The following USH2A variants were observed in gnomAD, a reference collection of about 807,000 sequenced individuals.
USH2A encodes usherin.
A neutral mutation model predicts 538.9 loss-of-function variants in USH2A; 443 were observed. The ratio of observed to expected loss-of-function variants is 0.82; its 90% CI spans 0.76 to 0.89. The LOEUF is 0.89. USH2A is among the 40% of genes least tolerant of loss of function. USH2A has a pLI of 0.00. For missense variants in USH2A, 6,633 were observed against 6,324.8 expected (o/e 1.05, Z -1.65); for synonymous variants, 2,413 against 2,273.5 (o/e 1.06, Z -1.75).
At chr1:216,024,625 TG>T (rs1668920241) in intron 32 of USH2A, among the ~76,000 whole-genome samples, 1 of 152,042 alleles carries the variant, frequency 6.6e-6, no homozygotes, top group Admixed American at 6.6e-5. Flanking sequence ...AACATGTATT[TG>T]ACTTAGCACA....
chr1:215,890,854 G>A (rs1665190546), intron 40 of USH2A, among the ~76,000 whole-genome samples: 1 of 152,116 alleles, frequency 6.6e-6, no homozygotes, highest in Non-Finnish European at 1.5e-5. Flanking sequence ...CTGAGATTGG[G>A]TTTCGTAAAA....
chr1:215,948,706 T>G (rs998787033), intron 37 of USH2A, among the ~76,000 whole-genome samples: 2 of 152,104 alleles, frequency 1.3e-5, no homozygotes, highest in Non-Finnish European at 2.9e-5. Context: ...CATAATTTTA[T>G]AAGGATTTTC....
chr1:215,839,416 C>T (rs1289448812), intron 46 of USH2A, among the ~76,000 whole-genome samples: 1 of 152,078 alleles, frequency 6.6e-6, no homozygotes, highest in Non-Finnish European at 1.5e-5. Context: ...AACAAATTTG[C>T]AGAGAAGCCA....
At chr1:215,698,663 T>A (rs969088794) in intron 61 of USH2A, among the ~76,000 whole-genome samples, 8 of 152,222 alleles carry the variant, frequency 5.3e-5, no homozygotes, top group African/African-American at 1.4e-4. Flanking sequence ...CACTTTTTGA[T>A]GAGGTTATTT....
chr1:216,076,570 G>T (rs1348181707), intron 27 of USH2A, among the ~76,000 whole-genome samples: 1 of 151,674 alleles, frequency 6.6e-6, no homozygotes, highest in South Asian at 2.1e-4. Flanking sequence ...TCACTCATAC[G>T]AAGGGTTTTC....
At chr1:215,821,448 A>C (rs190778617) in intron 47 of USH2A, among the ~76,000 whole-genome samples, 1 of 151,634 alleles carries the variant, frequency 6.6e-6, no homozygotes, top group African/African-American at 2.4e-5. Flanking sequence ...ATTTTTAATC[A>C]GATGTTTTGT....
chr1:215,823,901 CTT>C (rs1194674441), intron 47 of USH2A, among the ~76,000 whole-genome samples: 3 of 151,916 alleles, frequency 2.0e-5, no homozygotes, highest in Non-Finnish European at 4.4e-5. Context: ...ATTTTAATCT[CTT>C]TGTTAAATCT....
At chr1:216,286,912 A>G (rs909075733) in intron 11 of USH2A, among the ~76,000 whole-genome samples, 6 of 152,194 alleles carry the variant, frequency 3.9e-5, no homozygotes, top group Non-Finnish European at 8.8e-5. Context: ...CTTATAGAAA[A>G]ACAACAGGAA....
At chr1:216,332,831 A>G (rs2037896559) in intron 4 of USH2A, among the ~76,000 whole-genome samples, 1 of 152,156 alleles carries the variant, frequency 6.6e-6, no homozygotes, top group Non-Finnish European at 1.5e-5. Context: ...AGTGACAAAT[A>G]GCAGCAACAA....
chr1:216,173,396 C>T (rs2034309834), intron 21 of USH2A, among the ~76,000 whole-genome samples: 1 of 152,152 alleles, frequency 6.6e-6, no homozygotes, highest in Non-Finnish European at 1.5e-5. Flanking sequence ...TGCCTGAACA[C>T]AGAAGAACTT....
intron 9 of USH2A, among the ~76,000 whole-genome samples, chr1:216,315,975 A>G (rs2037500762): frequency 1.3e-5 from 2 of 152,172 alleles, no homozygotes; most frequent in Admixed American, 1.3e-4. Context: ...TAGTAAATTA[A>G]GCATTTACTG....
chr1:216,411,886 G>A (rs2039496287), intron 3 of USH2A, among the ~76,000 whole-genome samples: 2 of 152,102 alleles, frequency 1.3e-5, no homozygotes, highest in Non-Finnish European at 2.9e-5. Context: ...TACAGGCCTA[G>A]AAAACTAATA....
chr1:215,772,328 A>G (rs999267618), intron 55 of USH2A, among the ~76,000 whole-genome samples: 4 of 152,240 alleles, frequency 2.6e-5, no homozygotes, highest in Admixed American at 6.5e-5. Flanking sequence ...TCAAGTGCTC[A>G]GCATTGAATT....
chr1:215,768,240 T>C (rs1221940965), intron 55 of USH2A, among the ~76,000 whole-genome samples: 1 of 152,216 alleles, frequency 6.6e-6, no homozygotes, highest in Admixed American at 6.5e-5. Flanking sequence ...GTCTCTTGCT[T>C]ATTTGATATT....
intron 61 of USH2A, among the ~76,000 whole-genome samples, chr1:215,720,836 C>T (rs1212279683): frequency 6.6e-6 from 1 of 152,048 alleles, no homozygotes; most frequent in Non-Finnish European, 1.5e-5. Flanking sequence ...CTATATAACC[C>T]ACAGAGAAAA....
At chr1:216,114,603 A>G (rs966510676) in intron 21 of USH2A, among the ~76,000 whole-genome samples, 1 of 152,172 alleles carries the variant, frequency 6.6e-6, no homozygotes, top group South Asian at 2.1e-4. Flanking sequence ...AGCTGACTAC[A>G]ATGCATTTTA....
At chr1:216,287,196 G>T (rs1217289948) in intron 11 of USH2A, among the ~76,000 whole-genome samples, 1 of 152,106 alleles carries the variant, frequency 6.6e-6, no homozygotes, top group Non-Finnish European at 1.5e-5. Context: ...AAGAAAAAAA[G>T]ATCACATGAT....
At chr1:216,289,509 A>C (rs893741897) in intron 10 of USH2A, 99 bp from the exon 11 acceptor site, 6 of 1,556,366 alleles carry the variant, frequency 3.9e-6, no homozygotes, top group Admixed American at 1.7e-5. Flanking sequence ...GAATTCTATA[A>C]TTTTCGGAAC....
intron 30 of USH2A, among the ~76,000 whole-genome samples, chr1:216,057,283 A>G (rs1333864257): frequency 6.6e-6 from 1 of 152,218 alleles, no homozygotes; most frequent in Non-Finnish European, 1.5e-5. Flanking sequence ...GCTAAGCAGG[A>G]ACATTACATC....
Sources: allele counts gnomAD v4.1 joint callset (sites outside exome capture counted in the v4.1 genomes callset), GRCh38; gene constraint gnomAD v4.1.1; transcripts MANE v1.5; gene names NCBI Gene and HGNC (gene_info 2026-07-23, HGNC 2026-07-21).